Variants in PHF21A observed in about 807,000 individuals in gnomAD.
PHF21A encodes the protein BHC80a.
A neutral mutation model predicts 82.5 loss-of-function variants in PHF21A; 11 were observed. The ratio of observed to expected loss-of-function variants is 0.13; its 90% confidence interval spans 0.08 to 0.22. The LOEUF (loss-of-function observed/expected upper bound fraction) is 0.22, where lower values mean the gene tolerates loss of function less well. Among genes scored for constraint, PHF21A ranks in the 10% least tolerant of loss-of-function variants. The probability of loss-of-function intolerance (pLI) is 1.00; values close to 1 mark genes in which losing one functional copy is unlikely to be tolerated. For synonymous variants in PHF21A, 297 were observed against 302.8 expected (o/e 0.98, Z 0.20); for missense variants, 579 against 837.8 (o/e 0.69, Z 3.81).
intron 1 of PHF21A, among the ~76,000 whole-genome samples, chr11:46,120,200 A>T (rs1310150850): frequency 2.0e-5 from 3 of 148,602 alleles, no homozygotes; most frequent in Non-Finnish European, 4.5e-5. Flanking sequence ...TTTTTTTTTT[A>T]AACCAGATCC....
chr11:46,117,725 T>C (rs556795641), intron 1 of PHF21A, among the ~76,000 whole-genome samples: 9 of 152,340 alleles, frequency 5.9e-5, no homozygotes, highest in South Asian at 2.1e-4. Flanking sequence ...AAATAATTTT[T>C]TAAAATACAT....
At chr11:46,005,107 A>G (rs757843526) in intron 6 of PHF21A, among the ~76,000 whole-genome samples, 1 of 152,196 alleles carries the variant, frequency 6.6e-6, no homozygotes, top group Non-Finnish European at 1.5e-5. Flanking sequence ...CTCAGTTACC[A>G]AGAGCAACCG....
chr11:46,097,499 C>T (rs181043186), intron 1 of PHF21A, among the ~76,000 whole-genome samples: 175 of 152,270 alleles, frequency 1.1e-3, no homozygotes, highest in African/African-American at 4.0e-3. Flanking sequence ...TTGAGGAAAT[C>T]TACAGCAGTT....
At chr11:45,998,361 T>C (rs2094982841) in intron 6 of PHF21A, among the ~76,000 whole-genome samples, 1 of 152,206 alleles carries the variant, frequency 6.6e-6, no homozygotes. Flanking sequence ...TGGTAGGCAG[T>C]ATAAGGTTTG....
chr11:46,108,594 A>T (rs2097177817), intron 1 of PHF21A, among the ~76,000 whole-genome samples: 1 of 147,256 alleles, frequency 6.8e-6, no homozygotes, highest in Non-Finnish European at 1.5e-5. Context: ...TATAAAATAC[A>T]TATGTAAATG....
intron 3 of PHF21A, among the ~76,000 whole-genome samples, chr11:46,085,662 C>T (rs917862451): frequency 5.9e-5 from 9 of 152,170 alleles, no homozygotes; most frequent in African/African-American, 2.2e-4. Flanking sequence ...AGAGGAACCA[C>T]TACTCCTTAA....
intron 15 of PHF21A, among the ~76,000 whole-genome samples, chr11:45,941,596 C>T (rs1211497700): frequency 1.3e-5 from 2 of 152,080 alleles, no homozygotes; most frequent in African/African-American, 4.8e-5. Flanking sequence ...GAACTGCTGC[C>T]CATAGAAATG....
chr11:46,069,404 G>A (rs1251688129), intron 6 of PHF21A, among the ~76,000 whole-genome samples: 2 of 152,218 alleles, frequency 1.3e-5, no homozygotes, highest in African/African-American at 4.8e-5. Flanking sequence ...ACAATGAGAA[G>A]ATTTCTAAGA....
At chr11:45,956,410 C>A (rs1009567818) in intron 10 of PHF21A, among the ~76,000 whole-genome samples, 13 of 152,042 alleles carry the variant, frequency 8.6e-5, no homozygotes, top group Non-Finnish European at 1.6e-4. Flanking sequence ...AAAGGAGGGG[C>A]AGAGCTGTAT....
At chr11:45,988,588 A>G (rs1281503783) in intron 6 of PHF21A, among the ~76,000 whole-genome samples, 2 of 152,188 alleles carry the variant, frequency 1.3e-5, no homozygotes, top group African/African-American at 2.4e-5. Context: ...ATAAATTTTA[A>G]AAGATTCTAA....
chr11:45,958,714 G>A (rs962583384), intron 10 of PHF21A, among the ~76,000 whole-genome samples: 10 of 151,780 alleles, frequency 6.6e-5, no homozygotes, highest in African/African-American at 2.2e-4. Context: ...CCACGAGTTC[G>A]AGACCAGCCT....
At chr11:46,020,054 T>C (rs561763116) in intron 6 of PHF21A, among the ~76,000 whole-genome samples, 2 of 152,180 alleles carry the variant, frequency 1.3e-5, no homozygotes, top group East Asian at 1.9e-4. Context: ...AAAGATACTA[T>C]TGTGAAGGCA....
intron 3 of PHF21A, among the ~76,000 whole-genome samples, chr11:46,085,456 C>A (rs1240914899): frequency 6.6e-6 from 1 of 152,164 alleles, no homozygotes; most frequent in African/African-American, 2.4e-5. Context: ...CTAATTTATC[C>A]TTTATTGTTG....
At chr11:46,112,334 A>AT (rs2097224461) in intron 1 of PHF21A, among the ~76,000 whole-genome samples, 1 of 152,314 alleles carries the variant, frequency 6.6e-6, no homozygotes, top group East Asian at 1.9e-4. Flanking sequence ...GAAGCGTGCT[A>AT]TTTTTTAAAA....
chr11:45,948,813 G>T (rs548273507), intron 14 of PHF21A, 73 bp downstream of exon 14: 3 of 1,019,964 alleles, frequency 2.9e-6, no homozygotes, highest in Admixed American at 1.7e-5. Flanking sequence ...ATGATGGGAG[G>T]AGGGAAGGAG....
chr11:46,018,388 G>A (rs942805621), intron 6 of PHF21A, among the ~76,000 whole-genome samples: 3 of 152,148 alleles, frequency 2.0e-5, no homozygotes, highest in Non-Finnish European at 4.4e-5. Flanking sequence ...ACCATTTTCA[G>A]GAGAATGTAC....
intron 10 of PHF21A, among the ~76,000 whole-genome samples, chr11:45,961,910 C>T (rs908586457): frequency 6.6e-6 from 1 of 152,174 alleles, no homozygotes; most frequent in African/African-American, 2.4e-5. Flanking sequence ...CTTGTTTTCT[C>T]AGAGCCACAG....
chr11:45,952,479 T>C (rs1246609729), intron 11 of PHF21A, among the ~76,000 whole-genome samples: 1 of 152,224 alleles, frequency 6.6e-6, no homozygotes, highest in Non-Finnish European at 1.5e-5. Flanking sequence ...TTTCCTTTGA[T>C]AGGGAAATTT....
At position 45,933,978 on chromosome 11, in the gene PHF21A, T is replaced by G. The variant is rs1284645991; in HGVS notation, c.2036A>C (p.Glu679Ala). 6.4e-7 allele frequency: 1 copy of G among 1,562,616 alleles called. No individual in the cohort carries two copies. The highest frequency in any genetic ancestry group is 8.6e-7 in the Non-Finnish European group (1 of 1,156,394). Residue 679 changes from glutamate to alanine, a missense_variant, in exon 19 of 19, where the codon GAG becomes GCG. By Grantham distance (107) the Glu-to-Ala change is moderately radical. Transcript: ENST00000676320. Reference protein sequence around the residue: ...SCTANCNQGEETK With the variant: ...SCTANCNQGEATK ...CCTAGAGGGGCTCTGTTATTTAGTC[T>G]CTTCCCCCTGGTTACAGTTCGCTGT...
Sources: gnomAD v4.1 joint callset for allele counts (sites outside exome capture counted in the v4.1 genomes callset) on GRCh38, gnomAD v4.1.1 for gene constraint, MANE v1.5 for transcripts, NCBI Gene and HGNC (gene_info 2026-07-23, HGNC 2026-07-21) for gene names.